Variants in RBM5 observed in about 807,000 individuals in gnomAD.
The protein encoded by RBM5 is RNA-binding protein 5.
A neutral mutation model predicts 124.6 loss-of-function variants in RBM5; 15 were observed. The observed-to-expected ratio is 0.12, with a 90% CI of 0.08 to 0.19. The LOEUF (loss-of-function observed/expected upper bound fraction) is 0.19. RBM5 is among the 10% of genes least tolerant of loss of function. The probability of loss-of-function intolerance (pLI) is 1.00; values close to 1 mark genes in which losing one functional copy is unlikely to be tolerated. For synonymous variants in RBM5, 337 were observed against 361.2 expected (o/e 0.93, Z 0.76); for missense variants, 580 against 1,026.5 (o/e 0.57, Z 5.94).
At chr3:50,102,196 A>G (rs1341810436) in intron 6 of RBM5, 1 of 151,986 alleles carries the variant, frequency 6.6e-6, no homozygotes. Context: ...AAAAGAAAAG[A>G]TGCTCCTGTT....
chr3:50,110,865 T>C, intron 17 of RBM5, 95 bp downstream of exon 17: 1 of 1,021,344 alleles, frequency 9.8e-7, no homozygotes. Context: ...CAAAAGAATA[T>C]ATGACTCAGA....
Position 50,100,191 on chromosome 3 carries a change from T to C in RBM5, c.409+140T>C, listed in dbSNP as rs2090911490. 2 of 801,976 alleles carry C rather than the reference T, an allele frequency of 2.5e-6. No individual in the cohort carries two copies. The highest frequency in any genetic ancestry group is 4.1e-5 in the South Asian group (2 of 48,662). 49.7% of individuals were successfully genotyped at this position (801,976 alleles called of 1,614,324 possible). On this transcript the variant is annotated intron_variant, in intron 5 of 24. Transcript: ENST00000347869. The surrounding 1 kb of genome is among the most constrained non-coding windows in gnomAD (Gnocchi z 5.1). ...TTGCCATGGCTAAGGAATGTGACTCTTTGAAAACCATGTTAGCATCTGAGG... is the reference window on the plus strand; with the variant it reads ...TTGCCATGGCTAAGGAATGTGACTCCTTGAAAACCATGTTAGCATCTGAGG...
intron 6 of RBM5, chr3:50,102,457 C>T (rs1322879665): frequency 6.6e-6 from 1 of 151,950 alleles, no homozygotes; most frequent in African/African-American, 2.4e-5. Context: ...GACATGGTTG[C>T]AGTTGACAGG....
At chr3:50,104,845 G>A (rs771345108) in intron 8 of RBM5, 8 of 436,712 alleles carry the variant, frequency 1.8e-5, no homozygotes, top group Non-Finnish European at 2.5e-5. Flanking sequence ...TTTGCATTCT[G>A]CATCTGCCTT....
intron 12 of RBM5, 32 bp downstream of exon 12, chr3:50,107,601 TGTG>T: frequency 1.3e-6 from 2 of 1,515,182 alleles, no homozygotes; most frequent in Non-Finnish European, 9.1e-7. Flanking sequence ...CTCAAGGTAG[TGTG>T]GTGGTGGTGC....
intron 4 of RBM5, among the ~76,000 whole-genome samples, chr3:50,095,463 C>T (rs944524055): frequency 2.0e-5 from 3 of 152,116 alleles, no homozygotes; most frequent in Non-Finnish European, 4.4e-5. Context: ...AAAAGGACGG[C>T]TCATTCAGAC....
chr3:50,110,414 A>G lies in RBM5; in HGVS notation c.1314A>G (p.Thr438=). 1 of 1,614,186 alleles carries G rather than the reference A, an allele frequency of 6.2e-7. No homozygotes were observed. The highest frequency in any genetic ancestry group is 8.5e-7 in the Non-Finnish European group (1 of 1,180,020). ...CACAGCCTAGCACTAGCACAAGTAC[A>G]CAGGCCCCAGCCGCTTCCCCTACTG... ...EEAQPSTSTS[T]QAPAASPTGV... is the part of the protein sequence containing the mutation. Residue 438 remains threonine (T), a synonymous_variant, in exon 16 of 25, where the codon ACA becomes ACG. Transcript: ENST00000347869.
chr3:50,105,769 T>C lies in RBM5; in HGVS notation c.855+60T>C, dbSNP rs1367488921. ...AAACAGCTTTAAGAGGCAAATGTGGTTCATCCAGTTTTGAAACTGTCTGAG... is the reference window on the plus strand; with the variant it reads ...AAACAGCTTTAAGAGGCAAATGTGGCTCATCCAGTTTTGAAACTGTCTGAG... On this transcript the variant is annotated intron_variant, in intron 10 of 24. Coordinates refer to ENST00000347869, the MANE Select transcript of RBM5 (RefSeq NM_005778.4). 8 of 1,561,400 alleles carry C rather than the reference T, an allele frequency of 5.1e-6. 1 individual carries two copies. The Admixed American group carries it at 7.3e-5, about 14-fold the overall frequency.
rs2090998607 is a variant in RBM5 at position 50,104,691 on chromosome 3, C to G, written c.628+383C>G. 3 of 262,824 alleles carry G rather than the reference C, an allele frequency of 1.1e-5. No homozygotes were observed. The East Asian group carries it at 2.2e-4, about 19-fold the overall frequency. 16.3% of individuals were successfully genotyped at this position (262,824 alleles called of 1,614,324 possible). A position where few individuals can be genotyped will look rare whatever the true frequency, so the allele number is the denominator to read the frequency against. Reference sequence around the variant, plus strand: ...GACAAATAGGGTTGTTAACTGTGAGCCTGAGGAAAAGTATAGATTTTAGTG... The same window carrying G: ...GACAAATAGGGTTGTTAACTGTGAGGCTGAGGAAAAGTATAGATTTTAGTG... On this transcript the variant is annotated intron_variant, in intron 8 of 24. Coordinates refer to ENST00000347869, the MANE Select transcript of RBM5 (RefSeq NM_005778.4).
At chr3:50,115,670 C>T in intron 21 of RBM5, 63 bp downstream of exon 21, 2 of 1,534,062 alleles carry the variant, frequency 1.3e-6, no homozygotes, top group Non-Finnish European at 1.8e-6. Flanking sequence ...TTTGAGTGCC[C>T]TAACAGTCCT....
rs1280857096 is a variant in RBM5 at position 50,100,506 on chromosome 3, C to T, written c.410-26C>T. 9 of 1,573,686 alleles carry T rather than the reference C, an allele frequency of 5.7e-6. No individual in the cohort carries two copies. In the Admixed American group the frequency reaches 6.7e-5, roughly 12 times the overall value. ...AAGGAACTGACTAACACAAGTATCC[C>T]GTCTATATCTGAATGCTGTCTCTAG... On this transcript the variant is annotated intron_variant, in intron 5 of 24. Transcript: ENST00000347869. This position sits in a 1 kb window ranked among gnomAD's most constrained non-coding sequence, Gnocchi z 5.1.
intron 3 of RBM5, among the ~76,000 whole-genome samples, chr3:50,093,241 C>T (rs1438305803): frequency 6.6e-6 from 1 of 151,170 alleles, no homozygotes; most frequent in Non-Finnish European, 1.5e-5. Context: ...AGATTGAGAC[C>T]ATCCTGGCTA....
chr3:50,094,079 G>C (rs1476611999), intron 4 of RBM5: 1 of 466,858 alleles, frequency 2.1e-6, no homozygotes, highest in Non-Finnish European at 3.8e-6. Flanking sequence ...ATTTACATAA[G>C]TCTAAACATG....
chr3:50,099,139 C>T (rs1386136570), intron 4 of RBM5, among the ~76,000 whole-genome samples: 1 of 151,878 alleles, frequency 6.6e-6, no homozygotes, highest in Non-Finnish European at 1.5e-5. Context: ...TTTGTAGTCC[C>T]AGCTACTTAG....
chr3:50,118,005 A>C, intron 24 of RBM5: 1 of 344,672 alleles, frequency 2.9e-6, no homozygotes, highest in Non-Finnish European at 5.5e-6. Context: ...ACATTGAGCT[A>C]TCCTGTATAA....
At chr3:50,094,093 T>C (rs1266818994) in intron 4 of RBM5, 3 of 449,272 alleles carry the variant, frequency 6.7e-6, no homozygotes, top group Non-Finnish European at 1.2e-5. Flanking sequence ...AAACATGAAA[T>C]TCATTTGTAT....
chr3:50,092,943 CTTTT>C (rs530934301), intron 3 of RBM5: 157 of 79,116 alleles, frequency 2.0e-3, no homozygotes, highest in Middle Eastern at 6.8e-3. Context: ...CTTGATATAT[CTTTT>C]TTTTTTTTTT....
intron 4 of RBM5, 36 bp downstream of exon 4, chr3:50,093,911 AG>A (rs2090756937): frequency 1.3e-6 from 2 of 1,575,928 alleles, no homozygotes; most frequent in Non-Finnish European, 1.7e-6. Context: ...AGCAGTCAGT[AG>A]GCACAATGAA....
At chr3:50,089,244 C>T (rs2090655920) in intron 1 of RBM5, among the ~76,000 whole-genome samples, 1 of 152,234 alleles carries the variant, frequency 6.6e-6, no homozygotes, top group Admixed American at 6.5e-5. Flanking sequence ...GGGCCTGCTT[C>T]TTTCTGGCTG....
Sources: allele counts gnomAD v4.1 joint callset (sites outside exome capture counted in the v4.1 genomes callset), GRCh38; gene constraint gnomAD v4.1.1; non-coding constraint Gnocchi (gnomAD v3.1); transcripts MANE v1.5; gene names NCBI Gene and HGNC (gene_info 2026-07-23, HGNC 2026-07-21).